Variants in PCDHGB1 observed in about 807,000 individuals in gnomAD.
PCDHGB1 encodes protocadherin gamma-B1.
A neutral mutation model predicts 56.6 loss-of-function variants in PCDHGB1; 34 were observed. The ratio of observed to expected loss-of-function variants is 0.60; its 90% CI spans 0.46 to 0.80. PCDHGB1 has a LOEUF of 0.80. PCDHGB1 is among the 30% of genes least tolerant of loss of function. PCDHGB1 has a pLI of 0.00. For synonymous variants in PCDHGB1, 561 were observed against 505.9 expected (o/e 1.11, Z -1.46); for missense variants, 1,278 against 1,204.6 (o/e 1.06, Z -0.90).
chr5:141,403,006 G>T, intron 1 of PCDHGB1: 3 of 1,614,006 alleles, frequency 1.9e-6, no homozygotes, highest in African/African-American at 1.3e-5. Context: ...TGCTATGCTC[G>T]CTCCTGGGGA....
chr5:141,477,778 C>A lies in PCDHGB1; in HGVS notation c.2410-17029C>A. The stretch of plus-strand genomic sequence containing the variant: ...TCCTAGCCACCAACATCAGCGTGAA[C>A]ATATTTGTCACTGATCGCAATGACA... On this transcript the variant is annotated intron_variant, in intron 1 of 3. Coordinates refer to ENST00000523390, the MANE Select transcript of PCDHGB1 (RefSeq NM_018922.3). The surrounding 1 kb of genome is among the most constrained non-coding windows in gnomAD (Gnocchi z 4.9). The A allele has an allele frequency of 6.2e-7, 1 of 1,614,052 alleles. No individual in the cohort carries two copies. The highest frequency in any genetic ancestry group is 8.5e-7 in the Non-Finnish European group (1 of 1,180,040).
chr5:141,420,519 A>G (rs1056198647), intron 1 of PCDHGB1: 1 of 387,066 alleles, frequency 2.6e-6, no homozygotes, highest in African/African-American at 2.1e-5. Flanking sequence ...GAAGTAAAAT[A>G]CCTTTCGGTT....
Position 141,486,446 on chromosome 5 carries a change from G to T in PCDHGB1, c.2410-8361G>T. ...GGCCAAATCTAGCTATGACATCATGGTCACTGCTTCTGATGCTGGGAACCC... is the reference window on the plus strand; with the variant it reads ...GGCCAAATCTAGCTATGACATCATGTTCACTGCTTCTGATGCTGGGAACCC... On this transcript the variant is annotated intron_variant, in intron 1 of 3. Coordinates refer to ENST00000523390, the MANE Select transcript of PCDHGB1 (RefSeq NM_018922.3). The surrounding 1 kb of genome is among the most constrained non-coding windows in gnomAD (Gnocchi z 5.0). 2 of 1,614,126 alleles carry T rather than the reference G, an allele frequency of 1.2e-6. No individual in the cohort carries two copies. Among genetic ancestry groups the T allele is most frequent in the Non-Finnish European group, 1.7e-6 (2 of 1,180,004 alleles).
At chr5:141,414,811 C>T in intron 1 of PCDHGB1, 3 of 1,614,254 alleles carry the variant, frequency 1.9e-6, no homozygotes, top group Non-Finnish European at 2.5e-6. Context: ...GGATCCTCCA[C>T]TCAGCAGCAA....
intron 1 of PCDHGB1, among the ~76,000 whole-genome samples, chr5:141,466,748 G>A (rs562859284): frequency 6.6e-6 from 1 of 152,238 alleles, no homozygotes; most frequent in South Asian, 2.1e-4. Context: ...TACTCTGATA[G>A]GGGCTCTTTT....
intron 1 of PCDHGB1, chr5:141,412,979 C>A: frequency 1.8e-6 from 1 of 542,930 alleles, no homozygotes; most frequent in Non-Finnish European, 3.2e-6. Flanking sequence ...AAAACGCAGC[C>A]AGAGCTCAAT....
chr5:141,486,091 G>A lies in PCDHGB1; in HGVS notation c.2410-8716G>A, dbSNP rs2099624256. On this transcript the variant is annotated intron_variant, in intron 1 of 3. Coordinates refer to ENST00000523390, the MANE Select transcript of PCDHGB1 (RefSeq NM_018922.3). This position sits in a 1 kb window ranked among gnomAD's most constrained non-coding sequence, Gnocchi z 5.0. ...CTACTGGAAAGCTTACTCTTTTGGGGCCCCTAGACTTTGAGAGTGAGAATT... is the reference window on the plus strand; with the variant it reads ...CTACTGGAAAGCTTACTCTTTTGGGACCCCTAGACTTTGAGAGTGAGAATT... 2 of 1,614,158 alleles carry A rather than the reference G, an allele frequency of 1.2e-6. No homozygotes were observed. Among genetic ancestry groups the A allele is most frequent in the Non-Finnish European group, 1.7e-6 (2 of 1,180,024 alleles).
Position 141,489,830 on chromosome 5 carries a change from A to C in PCDHGB1, c.2410-4977A>C. On this transcript the variant is annotated intron_variant, in intron 1 of 3. Transcript: ENST00000523390. The surrounding 1 kb of genome is among the most constrained non-coding windows in gnomAD (Gnocchi z 4.5). ...AAGCCATTCCCAGAGCTGGTGCTAG[A>C]GCAGCAGCTGGATCGTGAAGCCCAG... 1 of 1,614,200 alleles carries C rather than the reference A, an allele frequency of 6.2e-7. No homozygotes were observed. Among genetic ancestry groups the C allele is most frequent in the Non-Finnish European group, 8.5e-7 (1 of 1,180,010 alleles).
In PCDHGB1 at chr5:141,477,380, G is replaced by C; in HGVS notation, c.2410-17427G>C. The C allele has an allele frequency of 6.2e-7, 1 of 1,614,116 alleles. No homozygotes were observed. The highest frequency in any genetic ancestry group is 8.5e-7 in the Non-Finnish European group (1 of 1,180,028). On this transcript the variant is annotated intron_variant, in intron 1 of 3. Transcript: ENST00000523390. The surrounding 1 kb of genome is among the most constrained non-coding windows in gnomAD (Gnocchi z 4.9). ...AGACCTGGATCGGGAGACTGTGCCA[G>C]AATACAACCTCAGCATCACCGCCCG...
At chr5:141,353,298 T>C (rs1759240149) in intron 1 of PCDHGB1, among the ~76,000 whole-genome samples, 1 of 152,238 alleles carries the variant, frequency 6.6e-6, no homozygotes, top group Non-Finnish European at 1.5e-5. Flanking sequence ...CTTAGCTCTT[T>C]ATAAATGTAT....
intron 1 of PCDHGB1, among the ~76,000 whole-genome samples, chr5:141,459,546 C>T (rs575349914): frequency 9.9e-5 from 15 of 152,102 alleles, no homozygotes; most frequent in African/African-American, 3.6e-4. Flanking sequence ...TTTTTTATTT[C>T]TCTTGGATAA....
rs1481171398 is a variant in PCDHGB1 at position 141,455,879 on chromosome 5, ATTT to A, written c.2410-38927_2410-38925del. 3.8e-4 allele frequency among the ~76,000 whole-genome samples: 56 copies of A among 147,786 alleles called. No individual in the cohort carries two copies. In the East Asian group the frequency reaches 8.9e-3, roughly 23 times the overall value. On this transcript the variant is annotated intron_variant, in intron 1 of 3. Coordinates refer to ENST00000523390, the MANE Select transcript of PCDHGB1 (RefSeq NM_018922.3). ...TCTTTTATTATTTATTTATTTATTTATTTATTTATTTATTTATTTATTTATTTA... is the reference window on the plus strand; with the variant it reads ...TCTTTTATTATTTATTTATTTATTTAATTTATTTATTTATTTATTTATTTA...
chr5:141,414,568 A>G (rs1349020199), intron 1 of PCDHGB1: 2 of 1,613,914 alleles, frequency 1.2e-6, no homozygotes, highest in South Asian at 1.1e-5. Context: ...CTTTACCTAT[A>G]TCCCAGAGAA....
intron 1 of PCDHGB1, among the ~76,000 whole-genome samples, chr5:141,455,860 ATTATTTATTTAT>A (rs145569377): frequency 0.023 from 3,231 of 139,812 alleles, 82 homozygotes; most frequent in African/African-American, 0.066. Context: ...AATTTCTTTT[ATTATTTATTTAT>A]TTATTTATTT....
Position 141,409,934 on chromosome 5 carries a change from G to A in PCDHGB1, c.2409+57265G>A. The A allele has an allele frequency of 1.9e-6, 3 of 1,613,362 alleles. No individual in the cohort carries two copies. Among genetic ancestry groups the A allele is most frequent in the South Asian group, 2.2e-5 (2 of 91,074 alleles). On this transcript the variant is annotated intron_variant, in intron 1 of 3. Transcript: ENST00000523390. ...TGACGGCTCCGCGTTCTTCGATATG[G>A]TACCTCGCTCTGCAGAGCCCGGCTA...
Position 141,491,712 on chromosome 5 carries a change from G to C in PCDHGB1, c.2410-3095G>C. 3.1e-6 allele frequency: 5 copies of C among 1,609,408 alleles called. No individual in the cohort carries two copies. Among genetic ancestry groups the C allele is most frequent in the Middle Eastern group, 1.7e-4 (1 of 6,024 alleles). ...GGGAGCGGAGCCAGGTGAGGGGCTCGGCGCCGCCCCGGGCGACCCCTGGGG... is the reference window on the plus strand; with the variant it reads ...GGGAGCGGAGCCAGGTGAGGGGCTCCGCGCCGCCCCGGGCGACCCCTGGGG... On this transcript the variant is annotated intron_variant, in intron 1 of 3. Transcript: ENST00000523390. The surrounding 1 kb of genome is among the most constrained non-coding windows in gnomAD (Gnocchi z 6.9).
rs2099718995 is a variant in PCDHGB1 at position 141,491,523 on chromosome 5, G to A, written c.2410-3284G>A. On this transcript the variant is annotated intron_variant, in intron 1 of 3. Transcript: ENST00000523390. This position sits in a 1 kb window ranked among gnomAD's most constrained non-coding sequence, Gnocchi z 6.9. ...CGGACGGCACGCTCAAGTACATGGAGGTGACGCTGCGGCCCACAGACTCGC... is the reference window on the plus strand; with the variant it reads ...CGGACGGCACGCTCAAGTACATGGAAGTGACGCTGCGGCCCACAGACTCGC... The A allele has an allele frequency of 3.1e-6, 5 of 1,613,954 alleles. No individual in the cohort carries two copies. The highest frequency in any genetic ancestry group is 3.4e-6 in the Non-Finnish European group (4 of 1,180,032).
intron 2 of PCDHGB1, among the ~76,000 whole-genome samples, chr5:141,503,595 G>T (rs6892628): frequency 0.52 from 72,995 of 139,870 alleles, 19,322 homozygotes; most frequent in African/African-American, 0.64. Flanking sequence ...CGAGACTCCA[G>T]CTCAAAAAAA....
At chr5:141,407,453 C>G (rs914537742) in intron 1 of PCDHGB1, among the ~76,000 whole-genome samples, 18 of 148,834 alleles carry the variant, frequency 1.2e-4, no homozygotes, top group African/African-American at 4.4e-4. Flanking sequence ...ACACGAGGCT[C>G]ACCAGACAGA....
Sources: gnomAD v4.1 joint callset for allele counts (sites outside exome capture counted in the v4.1 genomes callset) on GRCh38, gnomAD v4.1.1 for gene constraint, Gnocchi (gnomAD v3.1) non-coding constraint, MANE v1.5 for transcripts, NCBI Gene and HGNC (gene_info 2026-07-23, HGNC 2026-07-21) for gene names.